RP1: variants seen among roughly 807,000 people sequenced by gnomAD.
RP1 encodes the protein RP1 axonemal microtubule associated, also known as oxygen-regulated protein 1.
RP1 carries 16 observed loss-of-function variants against 14.8 expected under a neutral mutation model. The observed-to-expected ratio is 1.08, with a 90% CI of 0.73 to 1.65. RP1 has a LOEUF of 1.65. RP1 is among the 40% of genes most tolerant of loss of function. RP1 has a pLI of 0.00. For missense variants in RP1, 2,631 were observed against 2,535.0 expected, an observed-to-expected ratio of 1.04 and a Z score of -0.81; for synonymous variants, 876 against 883.6, an observed-to-expected ratio of 0.99 and a Z score of 0.15.
chr8:54,741,703 GTGTGTATATATATATATATATATA>G (rs1809093775), intron 19 of RP1, among the ~76,000 whole-genome samples: 2 of 87,756 alleles, frequency 2.3e-5, no homozygotes, highest in African/African-American at 1.2e-4. Flanking sequence ...ATACAAATGT[GTGTGTATATATATATATATATATA>G]TATATATATA....
chr8:54,639,289 T>C (rs1420222578), intron 3 of RP1, among the ~76,000 whole-genome samples: 1 of 152,226 alleles, frequency 6.6e-6, no homozygotes, highest in East Asian at 1.9e-4. Context: ...TATTTCATTG[T>C]ATGTACATAC....
intron 12 of RP1, among the ~76,000 whole-genome samples, chr8:54,694,785 A>G (rs1807814856): frequency 1.3e-5 from 2 of 151,894 alleles, no homozygotes; most frequent in Non-Finnish European, 2.9e-5. Context: ...TGGATTCATT[A>G]ATTTTTTATA....
intron 1 of RP1, among the ~76,000 whole-genome samples, chr8:54,573,351 A>G (rs1405140675): frequency 6.6e-6 from 1 of 152,220 alleles, no homozygotes; most frequent in East Asian, 1.9e-4. Flanking sequence ...AAGGACGCGA[A>G]CATCACTATT....
At chr8:54,795,819 T>A (rs942472497) in intron 24 of RP1, among the ~76,000 whole-genome samples, 5 of 152,164 alleles carry the variant, frequency 3.3e-5, no homozygotes, top group African/African-American at 1.2e-4. Context: ...ATTTAGCCCT[T>A]GCCTTCAACC....
At chr8:54,570,087 G>A (rs9657161) in intron 1 of RP1, among the ~76,000 whole-genome samples, 78,986 of 152,010 alleles carry the variant, frequency 0.52, 22,883 homozygotes, top group Non-Finnish European at 0.66. Context: ...TGTCCACTCT[G>A]CGTGTTCCTT....
At chr8:54,699,554 G>A in exon 13 of RP1, 1 of 1,379,002 alleles carries the variant, frequency 7.3e-7, no homozygotes, top group Non-Finnish European at 9.5e-7. Context: ...CTTGACAATG[G>A]CATTGTCACT....
chr8:54,811,244 C>G (rs376763874), intron 24 of RP1, among the ~76,000 whole-genome samples: 1 of 152,170 alleles, frequency 6.6e-6, no homozygotes, highest in African/African-American at 2.4e-5. Flanking sequence ...TCAAGCCAGG[C>G]CTGTCTTCCC....
chr8:54,802,436 A>G (rs1810735869), intron 24 of RP1, among the ~76,000 whole-genome samples: 2 of 152,212 alleles, frequency 1.3e-5, no homozygotes. Context: ...GTGAGGATAA[A>G]ACAAAACAAA....
Position 54,629,922 on chromosome 8 carries a change from G to A in RP1, c.6040G>A (p.Gly2014Arg), listed in dbSNP as rs767671734. The change falls in exon 4 of 4, where the codon GGG becomes AGG. Residue 2014 changes from glycine (G) to arginine (R), a missense_variant. Physicochemically the swap from Gly to Arg is moderately radical, Grantham distance 125. Coordinates refer to ENST00000220676, the MANE Select transcript of RP1 (RefSeq NM_006269.2). ...RRKQKRINFL[G>R]LEEEGNLKKF... ...AAAACAAAAAAGAATTAACTTCTTG[G>A]GGTTAGAGGAAGAAGGTAATTTAAA... The A allele has an allele frequency of 2.5e-5, 40 of 1,613,790 alleles. No individual in the cohort carries two copies. The highest frequency in any genetic ancestry group is 1.6e-4 in the Middle Eastern group (1 of 6,080).
intron 15 of RP1, among the ~76,000 whole-genome samples, chr8:54,714,167 C>T (rs1459554415): frequency 6.6e-6 from 1 of 152,094 alleles, no homozygotes; most frequent in African/African-American, 2.4e-5. Flanking sequence ...CTCAGGTGAT[C>T]CACCTGCCTC....
At chr8:54,757,097 G>T (rs535821900) in intron 21 of RP1, among the ~76,000 whole-genome samples, 1 of 152,000 alleles carries the variant, frequency 6.6e-6, no homozygotes, top group Non-Finnish European at 1.5e-5. Context: ...TATTTTCCTC[G>T]GTGCTTGGGA....
intron 1 of RP1, among the ~76,000 whole-genome samples, chr8:54,617,109 A>G (rs998840247): frequency 6.6e-6 from 1 of 152,238 alleles, no homozygotes; most frequent in African/African-American, 2.4e-5. Flanking sequence ...ATGTCATTAG[A>G]AGCGGATTTT....
At chr8:54,814,044 A>T (rs1035434852) in intron 24 of RP1, among the ~76,000 whole-genome samples, 1 of 152,160 alleles carries the variant, frequency 6.6e-6, no homozygotes, top group Admixed American at 6.5e-5. Flanking sequence ...TCCAGTAAGG[A>T]TTTAAAATAA....
intron 1 of RP1, among the ~76,000 whole-genome samples, chr8:54,563,689 T>C (rs716855): frequency 6.6e-6 from 1 of 151,718 alleles, no homozygotes; most frequent in South Asian, 2.1e-4. Flanking sequence ...GGGATTACAG[T>C]TGTACCCCAC....
intron 7 of RP1, among the ~76,000 whole-genome samples, chr8:54,671,864 C>T (rs529814765): frequency 2.0e-5 from 3 of 152,078 alleles, no homozygotes; most frequent in African/African-American, 7.2e-5. Flanking sequence ...TTTCTTTGAT[C>T]GGGCCATGTT....
intron 1 of RP1, among the ~76,000 whole-genome samples, chr8:54,585,196 T>C (rs1221179725): frequency 1.3e-5 from 2 of 152,246 alleles, no homozygotes; most frequent in Non-Finnish European, 2.9e-5. Context: ...GGCCTGGTCA[T>C]GAGAAAATCT....
At chr8:54,573,006 A>AT (rs1804561355) in intron 1 of RP1, among the ~76,000 whole-genome samples, 1 of 152,100 alleles carries the variant, frequency 6.6e-6, no homozygotes, top group East Asian at 1.9e-4. Flanking sequence ...TGGCATAAAA[A>AT]ATCTTACTAA....
At chr8:54,679,439 G>A (rs1807372296) in exon 10 of RP1, 3 of 1,535,802 alleles carry the variant, frequency 2.0e-6, no homozygotes, top group Non-Finnish European at 2.6e-6. Context: ...TCAGGGGGAA[G>A]ATGATTGTAA....
At chr8:54,688,436 A>G (rs997760083) in intron 12 of RP1, among the ~76,000 whole-genome samples, 1 of 152,082 alleles carries the variant, frequency 6.6e-6, no homozygotes, top group African/African-American at 2.4e-5. Flanking sequence ...TAGGGTTTTT[A>G]TGGTTTTAGG....
Sources: gnomAD v4.1 joint callset for allele counts (sites outside exome capture counted in the v4.1 genomes callset) on GRCh38, gnomAD v4.1.1 for gene constraint, MANE v1.5 for transcripts, NCBI Gene and HGNC (gene_info 2026-07-23, HGNC 2026-07-21) for gene names.